Variants in ALDH5A1 observed in about 807,000 individuals in gnomAD.
ALDH5A1 encodes the protein aldehyde dehydrogenase 5 family member A1, also known as succinate-semialdehyde dehydrogenase, mitochondrial.
A neutral mutation model predicts 54.7 loss-of-function variants in ALDH5A1; 33 were observed. The observed-to-expected ratio is 0.60, with a 90% CI of 0.46 to 0.81. The LOEUF (loss-of-function observed/expected upper bound fraction) is 0.81. ALDH5A1 is among the 30% of genes least tolerant of loss of function. ALDH5A1 has a pLI of 0.00. For missense variants in ALDH5A1, 657 were observed against 711.0 expected (o/e 0.92, Z 0.86); for synonymous variants, 294 against 292.7 (o/e 1.00, Z -0.05).
At chr6:24,498,275 G>A (rs181856530) in intron 1 of ALDH5A1, among the ~76,000 whole-genome samples, 4 of 152,280 alleles carry the variant, frequency 2.6e-5, no homozygotes, top group East Asian at 3.9e-4. Flanking sequence ...GTTTGAGAGC[G>A]AACCCTAGGC....
At chr6:24,504,190 C>T (rs1759274341) in intron 3 of ALDH5A1, among the ~76,000 whole-genome samples, 1 of 152,092 alleles carries the variant, frequency 6.6e-6, no homozygotes, top group Admixed American at 6.6e-5. Context: ...CTTGAACTTG[C>T]AAATGAGGTT....
rs1430446577 is a variant in ALDH5A1, at chr6:24,518,681, C to T, written c.871-1720C>T. Among the ~76,000 whole-genome samples, 1 of 152,186 alleles carries T rather than the reference C, an allele frequency of 6.6e-6. No individual in the cohort carries two copies. The highest frequency in any genetic ancestry group is 1.9e-4 in the East Asian group (1 of 5,202). The stretch of plus-strand genomic sequence containing the variant: ...AGTAATGTTTCAGAGAAGATTGTTA[C>T]TACCATTTGATTGCTGGAATATTAA... On this transcript the variant is annotated intron_variant, in intron 5 of 9. Transcript: ENST00000357578. The surrounding 1 kb of genome is among the most constrained non-coding windows in gnomAD (Gnocchi z 4.2).
intron 5 of ALDH5A1, among the ~76,000 whole-genome samples, chr6:24,517,731 A>G (rs1184388313): frequency 6.6e-6 from 1 of 152,244 alleles, no homozygotes; most frequent in African/African-American, 2.4e-5. Context: ...CTGAACAGGA[A>G]ATGTGACAAG....
intron 1 of ALDH5A1, among the ~76,000 whole-genome samples, chr6:24,498,952 C>T (rs1764765121): frequency 6.6e-6 from 1 of 151,790 alleles, no homozygotes; most frequent in African/African-American, 2.4e-5. Context: ...ATACAAAAAT[C>T]AGCTGGGCGT....
At position 24,520,405 on chromosome 6, in the gene ALDH5A1, T is replaced by C; in HGVS notation, c.875T>C (p.Leu292Pro). 2 of 1,614,090 alleles carry C rather than the reference T, an allele frequency of 1.2e-6. No homozygotes were observed. The highest frequency in any genetic ancestry group is 4.5e-5 in the East Asian group (2 of 44,888). The stretch of plus-strand genomic sequence containing the variant: ...CTTTCTCTCCTCTGCTCACAGATCC[T>C]GTTGCACCACGCAGCAAACTCTGTG... ...FTGSTTTGKI[L>P]LHHAANSVKR... is the part of the protein sequence containing the mutation. Residue 292 changes from leucine to proline, a missense_variant, in exon 6 of 10, where the codon CTG (leucine) becomes CCG (proline). Around this residue, in one of 2 missense-constraint regions of ALDH5A1, gnomAD observed 425 missense variants for 516.4 expected, o/e 0.82. Coordinates refer to ENST00000357578, the MANE Select transcript of ALDH5A1 (RefSeq NM_001080.3).
Position 24,518,029 on chromosome 6 carries a change from C to T in ALDH5A1, c.871-2372C>T, listed in dbSNP as rs371986650. Among the ~76,000 whole-genome samples the T allele has an allele frequency of 2.8e-4, 42 of 152,234 alleles. 1 individual carries two copies. The highest frequency in any genetic ancestry group is 9.6e-4 in the African/African-American group (40 of 41,548). ...AATCATGAGTGGTCATTGACTTGAG[C>T]GAAACAGAAATTGTGGGCTGGCCAG... On this transcript the variant is annotated intron_variant, in intron 5 of 9. Transcript: ENST00000357578. This position sits in a 1 kb window ranked among gnomAD's most constrained non-coding sequence, Gnocchi z 4.2.
intron 8 of ALDH5A1, among the ~76,000 whole-genome samples, chr6:24,531,034 G>A (rs12192905): frequency 0.048 from 7,246 of 152,300 alleles, 235 homozygotes; most frequent in Non-Finnish European, 0.068. Context: ...GCTAGTTTCC[G>A]ATTGAGGTTT....
At chr6:24,503,461 G>A (rs760526711) in intron 3 of ALDH5A1, 28 bp downstream of exon 3, 47 of 1,607,132 alleles carry the variant, frequency 2.9e-5, no homozygotes, top group South Asian at 2.4e-4. Flanking sequence ...CAAGATCCTA[G>A]GGTGGGAGAT....
Position 24,536,564 on chromosome 6 carries a change from C to G in ALDH5A1, c.*2852C>G, listed in dbSNP as rs560247554. On this transcript the variant is annotated 3_prime_UTR_variant, in exon 10 of 10. Coordinates refer to ENST00000357578, the MANE Select transcript of ALDH5A1 (RefSeq NM_001080.3). ...AAGAGGGAGATATTGACCTTACTTG[C>G]ATTTATCCGGCATTATTTCAACACC... The G allele has an allele frequency of 6.8e-4, 104 of 152,344 alleles. 1 individual carries two copies. The highest frequency in any genetic ancestry group is 5.4e-3 in the Admixed American group (82 of 15,306). The allele number at this position is 152,344 out of a possible 1,614,324, so 9.4% of individuals were successfully genotyped here.
intron 7 of ALDH5A1, among the ~76,000 whole-genome samples, chr6:24,523,236 G>A (rs1304749015): frequency 6.7e-6 from 1 of 148,714 alleles, no homozygotes; most frequent in African/African-American, 2.5e-5. Context: ...TATAGAGTAT[G>A]AGAGATCTAC....
At position 24,496,409 on chromosome 6, in the gene ALDH5A1, C is replaced by A. The variant is rs139536109; in HGVS notation, c.354+1059C>A. On this transcript the variant is annotated intron_variant, in intron 1 of 9. Transcript: ENST00000357578. ...GAGGATCCGGGCCAGAGGGAAGGGG[C>A]AAGATGCAGCATCAACAGTGTGACC... 6.9e-3 allele frequency among the ~76,000 whole-genome samples: 1,047 copies of A among 152,320 alleles called. 12 individuals carry two copies. Among genetic ancestry groups the A allele is most frequent in the African/African-American group, 0.023 (948 of 41,556 alleles).
intron 1 of ALDH5A1, among the ~76,000 whole-genome samples, chr6:24,497,595 G>C (rs139458943): frequency 6.7e-6 from 1 of 148,766 alleles, no homozygotes; most frequent in Non-Finnish European, 1.5e-5. Flanking sequence ...GTCCCCACTC[G>C]ACCCAGGAAG....
intron 7 of ALDH5A1, among the ~76,000 whole-genome samples, chr6:24,524,792 G>A (rs1201430757): frequency 6.6e-6 from 1 of 152,228 alleles, no homozygotes; most frequent in Non-Finnish European, 1.5e-5. Flanking sequence ...AAGTCCTAGA[G>A]TGGTGGTCCT....
At position 24,494,976 on chromosome 6, in the gene ALDH5A1, G is replaced by A. The variant is rs1561865385; in HGVS notation, c.-21G>A. On this transcript the variant is annotated 5_prime_UTR_variant, in exon 1 of 10. Coordinates refer to ENST00000357578, the MANE Select transcript of ALDH5A1 (RefSeq NM_001080.3). Reference sequence around the variant, plus strand: ...GCGCGCGCCCGCTTGCCTGTTTCCTGTCGCCGTCGTTGCCCGGGCCATGGC... The same window carrying A: ...GCGCGCGCCCGCTTGCCTGTTTCCTATCGCCGTCGTTGCCCGGGCCATGGC... The A allele has an allele frequency of 1.5e-6, 2 of 1,305,354 alleles. No homozygotes were observed. The highest frequency in any genetic ancestry group is 1.9e-6 in the Non-Finnish European group (2 of 1,028,108). The allele number at this position is 1,305,354 out of a possible 1,614,324, so 80.9% of individuals were successfully genotyped here. A position where few individuals can be genotyped will look rare whatever the true frequency, so the allele number is the denominator to read the frequency against.
At chr6:24,506,694 T>C (rs1399908837) in intron 4 of ALDH5A1, among the ~76,000 whole-genome samples, 1 of 152,206 alleles carries the variant, frequency 6.6e-6, no homozygotes, top group Non-Finnish European at 1.5e-5. Context: ...TTGAAAATGG[T>C]TTACTTTTTT....
intron 1 of ALDH5A1, among the ~76,000 whole-genome samples, chr6:24,498,482 T>C (rs1764754127): frequency 6.6e-6 from 1 of 152,142 alleles, no homozygotes. Flanking sequence ...CTGGAAAGCC[T>C]TCTAGTCTGT....
At chr6:24,526,859 C>CTATATATATATATATTCTA (rs1179132648) in intron 7 of ALDH5A1, among the ~76,000 whole-genome samples, 2 of 124,556 alleles carry the variant, frequency 1.6e-5, no homozygotes, top group Admixed American at 8.0e-5. Flanking sequence ...TATATATATT[C>CTATATATATATATATTCTA]TATATATATA....
chr6:24,514,484 A>G (rs1759522836), intron 4 of ALDH5A1, among the ~76,000 whole-genome samples: 1 of 152,170 alleles, frequency 6.6e-6, no homozygotes, highest in African/African-American at 2.4e-5. Flanking sequence ...CACAACTGTA[A>G]TCCAAACACT....
Position 24,534,567 on chromosome 6 carries a change from C to T in ALDH5A1, c.*855C>T, listed in dbSNP as rs1581828643. The T allele has an allele frequency of 6.6e-6, 1 of 152,258 alleles. No homozygotes were observed. Among genetic ancestry groups the T allele is most frequent in the East Asian group, 1.9e-4 (1 of 5,194 alleles). 9.4% of individuals were successfully genotyped at this position (152,258 alleles called of 1,614,324 possible). A position where few individuals can be genotyped will look rare whatever the true frequency, so the allele number is the denominator to read the frequency against. ...CCATCCCATGGATACAGTGGAGATT[C>T]CATACAGGCCTTACTTAGCTCCTTG... On this transcript the variant is annotated 3_prime_UTR_variant, in exon 10 of 10. Transcript: ENST00000357578.
Sources: allele counts gnomAD v4.1 joint callset (sites outside exome capture counted in the v4.1 genomes callset), GRCh38; gene constraint gnomAD v4.1.1; regional missense constraint gnomAD v4.1.1; non-coding constraint Gnocchi (gnomAD v3.1); transcripts MANE v1.5; gene names NCBI Gene and HGNC (gene_info 2026-07-23, HGNC 2026-07-21).